The following CHIC1 variants were observed in gnomAD, a reference collection of about 807,000 sequenced individuals.
CHIC1 encodes the protein cysteine-rich hydrophobic domain-containing protein 1.
Under a neutral mutation model 18.5 loss-of-function variants are expected in CHIC1, and 7 were observed. The ratio of observed to expected loss-of-function variants is 0.38; its 90% CI spans 0.22 to 0.71. CHIC1 has a LOEUF of 0.71. CHIC1 is among the 30% of genes least tolerant of loss of function. CHIC1 has a pLI of 0.49. For synonymous variants in CHIC1, 77 were observed against 73.5 expected (o/e 1.05, Z -0.25); for missense variants, 159 against 176.9 (o/e 0.90, Z 0.57).
chrX:73,574,837 A>G (rs1310903475), intron 1 of CHIC1, among the ~76,000 whole-genome samples: 1 of 110,327 alleles, frequency 9.1e-6, no homozygotes, highest in Admixed American at 9.7e-5. Context: ...TCTAGCTAGC[A>G]GTCTGTAAAT....
intron 3 of CHIC1, among the ~76,000 whole-genome samples, chrX:73,670,648 G>A (rs73229453): frequency 0.037 from 4,108 of 110,760 alleles, 78 homozygotes; most frequent in Middle Eastern, 0.055. Flanking sequence ...CTGTTTTGAT[G>A]TAGGCATTTA....
chrX:73,673,930 C>G (rs1327512260), intron 3 of CHIC1, among the ~76,000 whole-genome samples: 2 of 111,733 alleles, frequency 1.8e-5, no homozygotes, highest in Non-Finnish European at 3.8e-5. Flanking sequence ...CCCATCAATA[C>G]CTAATTTATT....
chrX:73,587,795 G>T (rs771169054), intron 3 of CHIC1, among the ~76,000 whole-genome samples: 2 of 111,445 alleles, frequency 1.8e-5, no homozygotes, highest in African/African-American at 6.5e-5. Context: ...GTGCTCTTGG[G>T]CAAAGACAAC....
intron 1 of CHIC1, among the ~76,000 whole-genome samples, chrX:73,564,383 C>T (rs1227235216): frequency 8.9e-6 from 1 of 111,863 alleles, no homozygotes; most frequent in East Asian, 2.8e-4. Context: ...GAAATTAATA[C>T]TTTGGGAGCT....
At chrX:73,614,187 A>T (rs1473421490) in intron 3 of CHIC1, among the ~76,000 whole-genome samples, 1 of 111,589 alleles carries the variant, frequency 9.0e-6, no homozygotes, top group Admixed American at 9.6e-5. Flanking sequence ...CAGTTTGAAT[A>T]TATCATTCCA....
intron 3 of CHIC1, among the ~76,000 whole-genome samples, chrX:73,636,320 C>A (rs2057831069): frequency 9.0e-6 from 1 of 111,293 alleles, no homozygotes; most frequent in Admixed American, 9.6e-5. Context: ...GTTGTCCCAG[C>A]TGGAGTGAGG....
At chrX:73,615,476 TG>T (rs965069544) in intron 3 of CHIC1, among the ~76,000 whole-genome samples, 4 of 111,915 alleles carry the variant, frequency 3.6e-5, no homozygotes, top group African/African-American at 1.3e-4. Context: ...GTGTTGGCAG[TG>T]CCTGCACTGG....
In CHIC1 at chrX:73,668,535, GT is replaced by G. The variant is rs1255900030; in HGVS notation, c.508-10786del. Among the ~76,000 whole-genome samples the G allele has an allele frequency of 5.4e-5, 6 of 111,330 alleles. No individual in the cohort carries two copies. In the East Asian group the frequency reaches 1.7e-3, roughly 32 times the overall value. On this transcript the variant is annotated intron_variant, in intron 3 of 5. Coordinates refer to ENST00000373502, the MANE Select transcript of CHIC1 (RefSeq NM_001039840.4). ...TTGAGGTTGCTGACATTTGGATGGG[GT>G]TTTTGTGTTTTTTTATTGTTGTTTT...
chrX:73,670,450 AT>A (rs1181546711), intron 3 of CHIC1, among the ~76,000 whole-genome samples: 8 of 107,526 alleles, frequency 7.4e-5, no homozygotes, highest in Admixed American at 7.0e-4. Flanking sequence ...TTTTTCTTTC[AT>A]TTATCTTTCA....
chrX:73,610,880 G>C (rs2057705159), intron 3 of CHIC1, among the ~76,000 whole-genome samples: 1 of 106,995 alleles, frequency 9.3e-6, no homozygotes, highest in South Asian at 3.9e-4. Context: ...GTTCATAATA[G>C]TGTCGGATGA....
In CHIC1 at chrX:73,681,069, G is replaced by A; in HGVS notation, c.*64G>A. ...CCTACCCTTAGTGCCTTGTAGATTTGGAATGAAGATGGTCTCCTTTGCTGT... is the reference window on the plus strand; with the variant it reads ...CCTACCCTTAGTGCCTTGTAGATTTAGAATGAAGATGGTCTCCTTTGCTGT... On this transcript the variant is annotated 3_prime_UTR_variant, in exon 6 of 6. Coordinates refer to ENST00000373502, the MANE Select transcript of CHIC1 (RefSeq NM_001039840.4). 8 of 638,392 alleles carry A rather than the reference G, an allele frequency of 1.3e-5. No individual in the cohort carries two copies. In the South Asian group the frequency reaches 2.3e-4, roughly 18 times the overall value. The allele number at this position is 638,392 out of a possible 1,213,427, so 52.6% of individuals were successfully genotyped here. A position where few individuals can be genotyped will look rare whatever the true frequency, so the allele number is the denominator to read the frequency against.
chrX:73,678,098 T>A (rs2058079175), intron 3 of CHIC1, among the ~76,000 whole-genome samples: 1 of 110,390 alleles, frequency 9.1e-6, no homozygotes, highest in African/African-American at 3.3e-5. Context: ...TTCCTGTAGA[T>A]GTATCTATAA....
At chrX:73,635,188 G>T (rs2057826419) in intron 3 of CHIC1, among the ~76,000 whole-genome samples, 1 of 111,366 alleles carries the variant, frequency 9.0e-6, no homozygotes, top group Non-Finnish European at 1.9e-5. Flanking sequence ...TATCACACTG[G>T]CTTTCATATG....
At chrX:73,677,187 A>G (rs1223696732) in intron 3 of CHIC1, among the ~76,000 whole-genome samples, 1 of 112,067 alleles carries the variant, frequency 8.9e-6, no homozygotes, top group African/African-American at 3.2e-5. Flanking sequence ...TCAGGGACCC[A>G]CTTGAGGAGG....
At chrX:73,565,345 T>G (rs1273472961) in intron 1 of CHIC1, among the ~76,000 whole-genome samples, 1 of 112,321 alleles carries the variant, frequency 8.9e-6, no homozygotes, top group African/African-American at 3.2e-5. Context: ...ACCTGAAATT[T>G]ATTTATGGTT....
intron 3 of CHIC1, among the ~76,000 whole-genome samples, chrX:73,650,475 C>A (rs2057910667): frequency 9.1e-6 from 1 of 110,240 alleles, no homozygotes; most frequent in South Asian, 3.8e-4. Context: ...CAGAAAGGCA[C>A]AATGAAAAAT....
intron 3 of CHIC1, among the ~76,000 whole-genome samples, chrX:73,632,480 T>A (rs1466697008): frequency 1.8e-5 from 2 of 111,855 alleles, no homozygotes; most frequent in Non-Finnish European, 3.8e-5. Context: ...TTGTTATTGC[T>A]ATTTTTTAAA....
Position 73,567,473 on chromosome X carries a change from A to G in CHIC1, c.296+3893A>G, listed in dbSNP as rs183578952. ...CACTGCTAAGCAATTAGCAAATATC[A>G]ACAATACATGGCTTAAGAATTTCTT... On this transcript the variant is annotated intron_variant, in intron 1 of 5. Transcript: ENST00000373502. Among the ~76,000 whole-genome samples the G allele has an allele frequency of 2.1e-3, 230 of 110,395 alleles. 1 individual carries two copies. The highest frequency in any genetic ancestry group is 4.7e-3 in the Admixed American group (49 of 10,352).
chrX:73,619,625 A>G (rs2057750094), intron 3 of CHIC1, among the ~76,000 whole-genome samples: 2 of 111,786 alleles, frequency 1.8e-5, no homozygotes, highest in Admixed American at 9.6e-5. Context: ...TAAACTGATG[A>G]CAAGTTAACA....
Sources: gnomAD v4.1 joint callset for allele counts (sites outside exome capture counted in the v4.1 genomes callset) on GRCh38, gnomAD v4.1.1 for gene constraint, MANE v1.5 for transcripts, NCBI Gene and HGNC (gene_info 2026-07-23, HGNC 2026-07-21) for gene names.